The following IFT80 variants were observed in gnomAD, a reference collection of about 807,000 sequenced individuals.
IFT80 encodes the protein intraflagellar transport 80.
IFT80 carries 79 observed loss-of-function variants against 107.9 expected under a neutral mutation model. That is an observed-to-expected ratio of 0.73 (90% CI 0.61 to 0.88). The LOEUF is 0.88. IFT80 is among the 40% of genes least tolerant of loss of function. The pLI is 0.00. For synonymous variants in IFT80, 299 were observed against 300.9 expected, an observed-to-expected ratio of 0.99 and a Z score of 0.07; for missense variants, 797 against 914.2, an observed-to-expected ratio of 0.87 and a Z score of 1.65.
chr3:160,357,757 T>C (rs1351052576), intron 6 of IFT80, among the ~76,000 whole-genome samples, 179 bp from the exon 7 acceptor site: 1 of 152,236 alleles, frequency 6.6e-6, no homozygotes, highest in Non-Finnish European at 1.5e-5. Flanking sequence ...TAATTTATAC[T>C]AATGTAAGCA....
chr3:160,316,953 C>T (rs1717865943), intron 9 of IFT80, among the ~76,000 whole-genome samples: 1 of 152,110 alleles, frequency 6.6e-6, no homozygotes, highest in Non-Finnish European at 1.5e-5. Flanking sequence ...GCCTCTGAAC[C>T]AATAATGCCT....
intron 16 of IFT80, among the ~76,000 whole-genome samples, chr3:160,278,101 A>G (rs2108227223): frequency 6.6e-6 from 1 of 152,308 alleles, no homozygotes; most frequent in Non-Finnish European, 1.5e-5. Context: ...GTCCTTTACG[A>G]TAAGGTTTTC....
chr3:160,393,229 ACTGT>A (rs1304176889), intron 1 of IFT80, among the ~76,000 whole-genome samples: 1 of 152,218 alleles, frequency 6.6e-6, no homozygotes, highest in Non-Finnish European at 1.5e-5. Context: ...ATAGTCTGAG[ACTGT>A]CTGTATATTC....
intron 19 of IFT80, among the ~76,000 whole-genome samples, chr3:160,264,665 C>A (rs1713146620): frequency 6.7e-6 from 1 of 149,050 alleles, no homozygotes; most frequent in Non-Finnish European, 1.5e-5. Context: ...TCTCCAAACT[C>A]TTAGACTCAA....
At chr3:160,315,084 G>GGAGGGAGGGAGA in intron 9 of IFT80, among the ~76,000 whole-genome samples, 2 of 123,180 alleles carry the variant, frequency 1.6e-5, no homozygotes, top group African/African-American at 3.0e-5. Context: ...AGGGAGGGAG[G>GGAGGGAGGGAGA]GAGGGAAAAA....
At chr3:160,371,585 G>A (rs1172141281) in intron 5 of IFT80, among the ~76,000 whole-genome samples, 4 of 152,086 alleles carry the variant, frequency 2.6e-5, no homozygotes, top group African/African-American at 4.8e-5. Context: ...TGGGACTACA[G>A]GGATGCACCA....
At chr3:160,365,355 A>G (rs1384601821) in intron 6 of IFT80, among the ~76,000 whole-genome samples, 1 of 152,134 alleles carries the variant, frequency 6.6e-6, no homozygotes, top group Non-Finnish European at 1.5e-5. Context: ...ATGGAACCTC[A>G]AAGTCATCTC....
chr3:160,317,278 A>T (rs1321189810), intron 9 of IFT80, among the ~76,000 whole-genome samples: 1 of 152,150 alleles, frequency 6.6e-6, no homozygotes, highest in African/African-American at 2.4e-5. Flanking sequence ...TCATGGAGAA[A>T]GTAAAACCTC....
intron 13 of IFT80, among the ~76,000 whole-genome samples, chr3:160,283,462 C>A (rs1019784795): frequency 6.6e-6 from 1 of 152,078 alleles, no homozygotes; most frequent in African/African-American, 2.4e-5. Context: ...CACACATACA[C>A]CTTTATCCAA....
In IFT80 at chr3:160,368,061, G is replaced by A. The variant is rs969620526; in HGVS notation, c.440-1909C>T. Among the ~76,000 whole-genome samples the A allele has an allele frequency of 2.6e-5, 4 of 151,864 alleles. No individual in the cohort carries two copies. The East Asian group carries it at 5.8e-4, about 22-fold the overall frequency. ...AGTAATTGACTTTCTGTGAATCAAC[G>A]AATCAATGAATAAATGAATGAATCA... On this transcript the variant is annotated intron_variant, in intron 5 of 19. Coordinates refer to ENST00000326448, the MANE Select transcript of IFT80 (RefSeq NM_020800.3).
chr3:160,290,744 G>A (rs952722651), intron 12 of IFT80, among the ~76,000 whole-genome samples: 1 of 152,052 alleles, frequency 6.6e-6, no homozygotes, highest in Non-Finnish European at 1.5e-5. Flanking sequence ...TGTATTTTTA[G>A]TAAAGTCGGG....
intron 1 of IFT80, among the ~76,000 whole-genome samples, chr3:160,390,810 G>C (rs1005199046): frequency 6.6e-6 from 1 of 152,172 alleles, no homozygotes; most frequent in East Asian, 1.9e-4. Flanking sequence ...GCCCAATCTG[G>C]ATTTTATATT....
chr3:160,384,262 A>AAG (rs397877807), intron 2 of IFT80: 1 of 452,364 alleles, frequency 2.2e-6, no homozygotes, highest in Non-Finnish European at 3.0e-6. Context: ...AAAAAAAAAA[A>AAG]GCTTCTTTTT....
intron 8 of IFT80, among the ~76,000 whole-genome samples, chr3:160,326,911 T>C (rs190051167): frequency 6.6e-6 from 1 of 152,252 alleles, no homozygotes; most frequent in East Asian, 1.9e-4. Flanking sequence ...GATCCCATTA[T>C]ACATCTAGAA....
At chr3:160,268,798 T>C in intron 18 of IFT80, 1 of 415,984 alleles carries the variant, frequency 2.4e-6, no homozygotes, top group Non-Finnish European at 4.4e-6. Flanking sequence ...ACCATTTATA[T>C]ATATACTATT....
At chr3:160,268,189 A>G (rs1713497036) in intron 19 of IFT80, among the ~76,000 whole-genome samples, 1 of 152,344 alleles carries the variant, frequency 6.6e-6, no homozygotes, top group South Asian at 2.1e-4. Flanking sequence ...CAAATGGAAT[A>G]TTATGAAGAC....
intron 8 of IFT80, among the ~76,000 whole-genome samples, chr3:160,332,468 C>T (rs555860735): frequency 6.6e-6 from 1 of 152,262 alleles, no homozygotes; most frequent in East Asian, 1.9e-4. Flanking sequence ...AGGATAAGCA[C>T]GGGAACTTGG....
At chr3:160,299,213 T>C in intron 12 of IFT80, 1 of 1,131,084 alleles carries the variant, frequency 8.8e-7, no homozygotes, top group South Asian at 2.1e-5. Flanking sequence ...GTTTTCCTCT[T>C]TCTTAGCCAA....
At chr3:160,322,303 GC>G (rs2108302107) in intron 8 of IFT80, among the ~76,000 whole-genome samples, 1 of 149,978 alleles carries the variant, frequency 6.7e-6, no homozygotes, top group Admixed American at 6.8e-5. Context: ...TTTCGTCCTT[GC>G]AATAGTTTAC....
Sources: allele counts gnomAD v4.1 joint callset (sites outside exome capture counted in the v4.1 genomes callset), GRCh38; gene constraint gnomAD v4.1.1; transcripts MANE v1.5; gene names NCBI Gene and HGNC (gene_info 2026-07-23, HGNC 2026-07-21).